The following RBFOX1 variants were observed in gnomAD, a reference collection of about 807,000 sequenced individuals.
The protein encoded by RBFOX1 is RNA binding protein fox-1 homolog 1.
A neutral mutation model predicts 57.7 loss-of-function variants in RBFOX1; 8 were observed. The ratio of observed to expected loss-of-function variants is 0.14; its 90% CI spans 0.08 to 0.25. The LOEUF is 0.25. Among genes scored for constraint, RBFOX1 ranks in the 10% least tolerant of loss-of-function variants. The pLI is 1.00. For synonymous variants in RBFOX1, 326 were observed against 222.4 expected (o/e 1.47, Z -4.15); for missense variants, 611 against 548.5 (o/e 1.11, Z -1.14).
chr16:6,643,956 T>C (rs2098512717), intron 2 of RBFOX1, among the ~76,000 whole-genome samples: 1 of 152,028 alleles, frequency 6.6e-6, no homozygotes, highest in Non-Finnish European at 1.5e-5. Context: ...GGAAACCCCA[T>C]CTGTACTAAA....
chr16:7,454,322 C>G (rs2058036953), intron 4 of RBFOX1, among the ~76,000 whole-genome samples: 2 of 152,190 alleles, frequency 1.3e-5, no homozygotes, highest in Admixed American at 6.5e-5. Context: ...AGACAGAATG[C>G]TGGTGAAGTA....
intron 3 of RBFOX1, among the ~76,000 whole-genome samples, chr16:6,945,835 G>T (rs28536492): frequency 0.012 from 1,812 of 152,294 alleles, 35 homozygotes; most frequent in African/African-American, 0.041. Flanking sequence ...AGGTTGCAGT[G>T]TGCTGAGATC....
At chr16:6,554,283 C>T (rs1045843955) in intron 2 of RBFOX1, among the ~76,000 whole-genome samples, 2 of 152,238 alleles carry the variant, frequency 1.3e-5, no homozygotes, top group African/African-American at 4.8e-5. Flanking sequence ...AATCTTCTTT[C>T]ATTTAGCCTA....
chr16:7,373,142 C>CA (rs2097602506), intron 4 of RBFOX1, among the ~76,000 whole-genome samples: 1 of 151,998 alleles, frequency 6.6e-6, no homozygotes, highest in South Asian at 2.1e-4. Context: ...CCGTGTTAGC[C>CA]AGGATGGTTA....
At chr16:6,467,952 G>T (rs2095087769) in intron 2 of RBFOX1, among the ~76,000 whole-genome samples, 1 of 152,170 alleles carries the variant, frequency 6.6e-6, no homozygotes, top group Non-Finnish European at 1.5e-5. Flanking sequence ...CCCAGAATCT[G>T]CTTTCTTTTT....
intron 1 of RBFOX1, among the ~76,000 whole-genome samples, chr16:5,268,617 C>G (rs2062921933): frequency 6.6e-6 from 1 of 152,182 alleles, no homozygotes; most frequent in South Asian, 2.1e-4. Context: ...ATTTAGAGGC[C>G]ATTTGCACTG....
intron 1 of RBFOX1, among the ~76,000 whole-genome samples, chr16:5,463,521 C>T (rs563353006): frequency 2.5e-4 from 38 of 152,200 alleles, no homozygotes; most frequent in African/African-American, 7.5e-4. Context: ...TCATGGTGGC[C>T]GGGCGTGGTG....
chr16:5,723,722 G>C (rs112164453), intron 3 of RBFOX1, among the ~76,000 whole-genome samples: 2 of 152,096 alleles, frequency 1.3e-5, no homozygotes, highest in African/African-American at 4.8e-5. Flanking sequence ...GGGCTGGATG[G>C]TGTCTGAGGT....
At chr16:7,246,633 C>CTTTTT (rs56654382) in intron 4 of RBFOX1, among the ~76,000 whole-genome samples, 15 of 105,472 alleles carry the variant, frequency 1.4e-4, no homozygotes, top group Admixed American at 5.9e-4. Context: ...TGGTCACCTC[C>CTTTTT]TTTTTTTTTT....
At chr16:6,220,252 A>G (rs962263353) in intron 1 of RBFOX1, among the ~76,000 whole-genome samples, 1 of 152,058 alleles carries the variant, frequency 6.6e-6, no homozygotes, top group African/African-American at 2.4e-5. Flanking sequence ...TCTCCATACA[A>G]ACAGACACAC....
chr16:6,413,101 C>T (rs1431872922), intron 2 of RBFOX1, among the ~76,000 whole-genome samples: 1 of 152,132 alleles, frequency 6.6e-6, no homozygotes, highest in Non-Finnish European at 1.5e-5. Context: ...GGGTGGATCA[C>T]CTGAGGTCGG....
chr16:5,695,129 A>G (rs2050808232), intron 3 of RBFOX1, among the ~76,000 whole-genome samples: 1 of 152,134 alleles, frequency 6.6e-6, no homozygotes, highest in Non-Finnish European at 1.5e-5. Context: ...CAACCTTGAC[A>G]TAAATTAGGG....
intron 4 of RBFOX1, among the ~76,000 whole-genome samples, chr16:7,175,492 T>C (rs762381097): frequency 1.3e-5 from 2 of 152,182 alleles, no homozygotes; most frequent in African/African-American, 2.4e-5. Context: ...GCTGAGACTT[T>C]CGCTGCCTGG....
Position 6,865,287 on chromosome 16 carries a change from G to A in RBFOX1, c.-15-186770G>A, listed in dbSNP as rs186359512. 2.0e-5 allele frequency among the ~76,000 whole-genome samples: 3 copies of A among 151,988 alleles called. No individual in the cohort carries two copies. In the East Asian group the frequency reaches 5.8e-4, roughly 30 times the overall value. The stretch of plus-strand genomic sequence containing the variant: ...CACAGTACTGGGATTACAGACGTGA[G>A]CCACCGTGCCCGACCTGGAGTGGGT... On this transcript the variant is annotated intron_variant, in intron 3 of 15. Coordinates refer to ENST00000550418, the MANE Select transcript of RBFOX1 (RefSeq NM_018723.4).
chr16:6,805,212 T>TA (rs1197519022), intron 3 of RBFOX1, among the ~76,000 whole-genome samples: 4 of 152,082 alleles, frequency 2.6e-5, no homozygotes, highest in African/African-American at 9.7e-5. Flanking sequence ...TATGCAGCCA[T>TA]AAAAAATGAG....
intron 3 of RBFOX1, among the ~76,000 whole-genome samples, chr16:6,752,088 C>T (rs1351012789): frequency 1.3e-5 from 2 of 152,164 alleles, no homozygotes; most frequent in East Asian, 1.9e-4. Context: ...GGGCGTCCAT[C>T]TACTCCGGTG....
intron 2 of RBFOX1, among the ~76,000 whole-genome samples, chr16:6,648,380 C>T (rs935190583): frequency 1.4e-5 from 2 of 142,912 alleles, no homozygotes; most frequent in African/African-American, 2.7e-5. Flanking sequence ...ATCGTACTTG[C>T]TGGGGTTGCA....
At chr16:5,376,390 G>C (rs188198213) in intron 1 of RBFOX1, among the ~76,000 whole-genome samples, 46 of 152,210 alleles carry the variant, frequency 3.0e-4, no homozygotes, top group African/African-American at 1.1e-3. Flanking sequence ...CCAAGGTTGG[G>C]ATTCACCTGC....
At chr16:6,845,661 C>G (rs1475008328) in intron 3 of RBFOX1, among the ~76,000 whole-genome samples, 1 of 142,390 alleles carries the variant, frequency 7.0e-6, no homozygotes, top group Non-Finnish European at 1.6e-5. Flanking sequence ...TCTCATTCTA[C>G]AAAGAGAAAA....
Sources: gnomAD v4.1 joint callset for allele counts (sites outside exome capture counted in the v4.1 genomes callset) on GRCh38, gnomAD v4.1.1 for gene constraint, MANE v1.5 for transcripts, NCBI Gene and HGNC (gene_info 2026-07-23, HGNC 2026-07-21) for gene names.